DLG2: variants seen among roughly 807,000 people sequenced by gnomAD.
DLG2 encodes the protein discs large MAGUK scaffold protein 2, also known as disks large homolog 2.
Under a neutral mutation model 132.5 loss-of-function variants are expected in DLG2, and 45 were observed. That is an observed-to-expected ratio of 0.34 (90% CI 0.27 to 0.44). The LOEUF (loss-of-function observed/expected upper bound fraction) is 0.44. DLG2 is among the 20% of genes least tolerant of loss of function. The pLI, the probability that DLG2 is intolerant of heterozygous loss-of-function variation, is 1.00. For synonymous variants in DLG2, 424 were observed against 419.6 expected (o/e 1.01, Z -0.13); for missense variants, 1,045 against 1,196.9 (o/e 0.87, Z 1.87).
chr11:84,904,230 C>A (rs929789172), intron 6 of DLG2, among the ~76,000 whole-genome samples: 1 of 152,098 alleles, frequency 6.6e-6, no homozygotes, highest in African/African-American at 2.4e-5. Context: ...CATAATGGTG[C>A]AACAAATTCT....
intron 15 of DLG2, among the ~76,000 whole-genome samples, chr11:83,903,987 C>T (rs946001833): frequency 5.9e-5 from 9 of 152,080 alleles, no homozygotes; most frequent in African/African-American, 2.2e-4. Flanking sequence ...ACAACAATAA[C>T]TAATAATAAA....
chr11:84,600,363 T>A lies in DLG2; in HGVS notation c.358-65632A>T, dbSNP rs545222994. ...CATACCATCAATGAAGAAAATAAAT[T>A]TCAACCTAAACCCTAAACATTTATT... On this transcript the variant is annotated intron_variant, in intron 6 of 27. Transcript: ENST00000376104. Among the ~76,000 whole-genome samples the A allele has an allele frequency of 1.1e-4, 16 of 152,150 alleles. 1 individual carries two copies. In the South Asian group the frequency reaches 3.3e-3, roughly 32 times the overall value.
chr11:83,499,889 ATATATAT>A (rs1348360558), intron 21 of DLG2, among the ~76,000 whole-genome samples: 3 of 108,706 alleles, frequency 2.8e-5, no homozygotes, highest in African/African-American at 1.1e-4. Context: ...ATATATATAT[ATATATAT>A]ATCAGTTCTG....
intron 5 of DLG2, among the ~76,000 whole-genome samples, chr11:85,132,575 T>C (rs1027042583): frequency 3.7e-4 from 56 of 151,552 alleles, no homozygotes; most frequent in African/African-American, 1.3e-3. Flanking sequence ...ACATGCAATA[T>C]CACTTTAAGA....
At chr11:84,457,516 C>T (rs139851968) in intron 7 of DLG2, among the ~76,000 whole-genome samples, 1 of 151,048 alleles carries the variant, frequency 6.6e-6, no homozygotes, top group Non-Finnish European at 1.5e-5. Flanking sequence ...GGCAGAGACA[C>T]TAAAATGCTA....
intron 6 of DLG2, among the ~76,000 whole-genome samples, chr11:84,553,461 A>T (rs1383227642): frequency 6.6e-6 from 1 of 152,228 alleles, no homozygotes; most frequent in African/African-American, 2.4e-5. Context: ...GAATCAATAC[A>T]ATATCAAATA....
At chr11:85,107,591 G>T (rs2071981288) in intron 6 of DLG2, among the ~76,000 whole-genome samples, 1 of 151,984 alleles carries the variant, frequency 6.6e-6, no homozygotes. Context: ...TCATTCTTCA[G>T]CTGAGTCCTA....
intron 8 of DLG2, among the ~76,000 whole-genome samples, chr11:84,225,331 C>A (rs1187112028): frequency 6.6e-6 from 1 of 152,208 alleles, no homozygotes; most frequent in African/African-American, 2.4e-5. Context: ...TACTGTACAA[C>A]AGAGATTATT....
chr11:84,649,070 A>G (rs2099678444), intron 6 of DLG2, among the ~76,000 whole-genome samples: 3 of 152,140 alleles, frequency 2.0e-5, no homozygotes, highest in African/African-American at 7.2e-5. Context: ...TCCTCCAATG[A>G]TTCAGGTATA....
At chr11:84,317,403 C>G in intron 7 of DLG2, 2 of 1,324,978 alleles carry the variant, frequency 1.5e-6, no homozygotes, top group Non-Finnish European at 1.9e-6. Flanking sequence ...TATCCCTGCT[C>G]TAGGCAGAAG....
At chr11:83,475,084 A>C (rs2136818247) in intron 22 of DLG2, among the ~76,000 whole-genome samples, 1 of 152,246 alleles carries the variant, frequency 6.6e-6, no homozygotes, top group South Asian at 2.1e-4. Flanking sequence ...AGCATCCCTT[A>C]TGTCCGGGCC....
intron 8 of DLG2, among the ~76,000 whole-genome samples, chr11:84,205,719 C>T (rs1312566868): frequency 2.0e-5 from 3 of 151,834 alleles, no homozygotes; most frequent in Non-Finnish European, 4.4e-5. Context: ...AAATTCATTG[C>T]CTTAAATGCT....
chr11:85,500,679 G>C (rs1042041450), intron 3 of DLG2, among the ~76,000 whole-genome samples: 2 of 152,080 alleles, frequency 1.3e-5, no homozygotes, highest in African/African-American at 2.4e-5. Flanking sequence ...TTGCTCCTAA[G>C]AGACTACAGT....
At chr11:84,904,410 T>C (rs1466055490) in intron 6 of DLG2, among the ~76,000 whole-genome samples, 2 of 152,234 alleles carry the variant, frequency 1.3e-5, no homozygotes, top group African/African-American at 2.4e-5. Flanking sequence ...TTTTCCACTC[T>C]GAAAGCTCAC....
intron 19 of DLG2, among the ~76,000 whole-genome samples, chr11:83,623,276 C>T (rs1048600285): frequency 3.3e-5 from 5 of 151,902 alleles, no homozygotes; most frequent in Non-Finnish European, 7.4e-5. Flanking sequence ...GAGATGATTA[C>T]CAAATAGGGT....
Position 84,094,627 on chromosome 11 carries a change from C to T in DLG2, c.749+4296G>A, listed in dbSNP as rs1181117869. Among the ~76,000 whole-genome samples the T allele has an allele frequency of 3.3e-5, 5 of 152,244 alleles. No individual in the cohort carries two copies. In the South Asian group the frequency reaches 8.3e-4, roughly 25 times the overall value. ...TCATAGATAATGCCTTTAGATATGT[C>T]CTCACATAAAGGAAGGGGCAAGGAA... On this transcript the variant is annotated intron_variant, in intron 10 of 27. Transcript: ENST00000376104.
intron 3 of DLG2, among the ~76,000 whole-genome samples, chr11:85,489,363 T>G (rs2093505097): frequency 6.6e-6 from 1 of 152,144 alleles, no homozygotes; most frequent in South Asian, 2.1e-4. Context: ...GAGGATATAA[T>G]CATTCTAAAT....
rs138226581 is a variant in DLG2, at chr11:84,159,164, A to G, written c.624+4297T>C. On this transcript the variant is annotated intron_variant, in intron 9 of 27. Coordinates refer to ENST00000376104, the MANE Select transcript of DLG2 (RefSeq NM_001142699.3). Reference sequence around the variant, plus strand: ...TTTAGATGCCAACCACTCCCTGAGTATACACTAAATTTCAGATGTTGTTCT... The same window carrying G: ...TTTAGATGCCAACCACTCCCTGAGTGTACACTAAATTTCAGATGTTGTTCT... 3.8e-4 allele frequency among the ~76,000 whole-genome samples: 58 copies of G among 152,338 alleles called. No individual in the cohort carries two copies. In the East Asian group the frequency reaches 8.9e-3, roughly 23 times the overall value.
chr11:84,202,446 A>G (rs2096608366), intron 8 of DLG2, among the ~76,000 whole-genome samples: 1 of 152,232 alleles, frequency 6.6e-6, no homozygotes, highest in African/African-American at 2.4e-5. Flanking sequence ...CCCCTTCCTT[A>G]AACCTTATAC....
Sources: gnomAD v4.1 joint callset for allele counts (sites outside exome capture counted in the v4.1 genomes callset) on GRCh38, gnomAD v4.1.1 for gene constraint, MANE v1.5 for transcripts, NCBI Gene and HGNC (gene_info 2026-07-23, HGNC 2026-07-21) for gene names.